Variants in DAAM1 observed in about 807,000 individuals in gnomAD.
DAAM1 encodes dishevelled associated activator of morphogenesis 1.
A neutral mutation model predicts 130.0 loss-of-function variants in DAAM1; 52 were observed. The ratio of observed to expected loss-of-function variants is 0.40; its 90% CI spans 0.32 to 0.50. The LOEUF (loss-of-function observed/expected upper bound fraction) is 0.50. DAAM1 is among the 20% of genes least tolerant of loss of function. DAAM1 has a pLI of 0.61. For missense variants in DAAM1, 1,134 were observed against 1,303.8 expected, an observed-to-expected ratio of 0.87 and a Z score of 2.01; for synonymous variants, 452 against 444.5, an observed-to-expected ratio of 1.02 and a Z score of -0.21.
chr14:59,339,646 A>G (rs1269048383), intron 15 of DAAM1, among the ~76,000 whole-genome samples: 3 of 152,128 alleles, frequency 2.0e-5, no homozygotes, highest in African/African-American at 7.2e-5. Context: ...AGTGCTCACA[A>G]TGCAGATGGT....
intron 1 of DAAM1, among the ~76,000 whole-genome samples, chr14:59,196,571 A>G (rs1010013069): frequency 1.3e-5 from 2 of 152,056 alleles, no homozygotes; most frequent in Admixed American, 6.5e-5. Context: ...GTGAAACCCC[A>G]TCTCTACTAA....
intron 1 of DAAM1, among the ~76,000 whole-genome samples, chr14:59,215,103 A>G (rs1248434043): frequency 6.6e-6 from 1 of 152,220 alleles, no homozygotes; most frequent in East Asian, 1.9e-4. Flanking sequence ...AATGAAACAG[A>G]TGAAAGTGAA....
At chr14:59,337,516 G>A (rs1159777864) in intron 15 of DAAM1, among the ~76,000 whole-genome samples, 2 of 152,212 alleles carry the variant, frequency 1.3e-5, no homozygotes, top group African/African-American at 2.4e-5. Flanking sequence ...CTGTTGGCCC[G>A]AAAACTGGGG....
intron 5 of DAAM1, among the ~76,000 whole-genome samples, chr14:59,322,244 A>C (rs1207374943): frequency 6.6e-6 from 1 of 152,184 alleles, no homozygotes; most frequent in Non-Finnish European, 1.5e-5. Flanking sequence ...TGGGCCAGAC[A>C]TGGTCACTCA....
At chr14:59,193,834 C>T (rs77618329) in intron 1 of DAAM1, among the ~76,000 whole-genome samples, 12,858 of 152,238 alleles carry the variant, frequency 0.084, 751 homozygotes, top group Non-Finnish European at 0.13. Flanking sequence ...ACAGCTTCCA[C>T]GAAGCCTTCC....
intron 3 of DAAM1, among the ~76,000 whole-genome samples, chr14:59,309,174 C>A (rs1162998210): frequency 1.3e-5 from 2 of 152,180 alleles, no homozygotes; most frequent in Admixed American, 1.3e-4. Context: ...TCTCCTACTA[C>A]TTTTTTGCCC....
intron 4 of DAAM1, among the ~76,000 whole-genome samples, chr14:59,317,495 G>T (rs956549387): frequency 2.0e-5 from 3 of 152,148 alleles, no homozygotes; most frequent in African/African-American, 2.4e-5. Flanking sequence ...CAGTGGAAAG[G>T]CACACAAGTT....
intron 15 of DAAM1, among the ~76,000 whole-genome samples, chr14:59,335,871 G>T (rs901302358): frequency 2.6e-5 from 4 of 151,972 alleles, no homozygotes; most frequent in African/African-American, 9.7e-5. Context: ...AATTATCAAA[G>T]AATTTTCCTT....
At chr14:59,244,656 C>A (rs1401792048) in intron 1 of DAAM1, among the ~76,000 whole-genome samples, 2 of 152,118 alleles carry the variant, frequency 1.3e-5, no homozygotes, top group Non-Finnish European at 2.9e-5. Flanking sequence ...GGGAGAGATT[C>A]TTAACTGCCT....
At chr14:59,248,541 C>G (rs930100820) in intron 1 of DAAM1, among the ~76,000 whole-genome samples, 42 of 152,242 alleles carry the variant, frequency 2.8e-4, no homozygotes, top group African/African-American at 9.9e-4. Flanking sequence ...CTCTTTCTTG[C>G]CGCCGCTGGT....
At chr14:59,363,957 G>GTATTTTCATTTCCAAGACTGTGAT (rs1886814895) in intron 23 of DAAM1, among the ~76,000 whole-genome samples, 175 bp downstream of exon 23, 2 of 152,206 alleles carry the variant, frequency 1.3e-5, no homozygotes, top group South Asian at 4.1e-4. Flanking sequence ...TGACATAGGT[G>GTATTTTCATTTCCAAGACTGTGAT]TATTTTCATT....
At chr14:59,367,854 A>G (rs764172378) in intron 24 of DAAM1, among the ~76,000 whole-genome samples, 3 of 152,224 alleles carry the variant, frequency 2.0e-5, no homozygotes, top group Non-Finnish European at 4.4e-5. Context: ...TAAAGAAATA[A>G]TCATAAATTT....
intron 2 of DAAM1, among the ~76,000 whole-genome samples, chr14:59,277,411 C>T (rs912759028): frequency 2.0e-5 from 3 of 151,968 alleles, no homozygotes; most frequent in South Asian, 2.1e-4. Flanking sequence ...CACTTTGTTA[C>T]GGATGAAGCC....
At chr14:59,240,306 G>C (rs1889437810) in intron 1 of DAAM1, among the ~76,000 whole-genome samples, 1 of 152,150 alleles carries the variant, frequency 6.6e-6, no homozygotes. Context: ...CAAATTAGCT[G>C]AAATGATGCT....
chr14:59,318,984 C>G (rs1164966498), intron 4 of DAAM1, among the ~76,000 whole-genome samples: 3 of 152,194 alleles, frequency 2.0e-5, no homozygotes, highest in Non-Finnish European at 4.4e-5. Context: ...AGCTTAGGAA[C>G]AAGGAATGAT....
At position 59,367,615 on chromosome 14, in the gene DAAM1, AT is replaced by A; in HGVS notation, c.2997+18del. ...GGAAGCTCAGGTGAGAGGATGATTA[AT>A]TGACCAATTCCACCTCCTAGAAGTT... On this transcript the variant is annotated intron_variant, in intron 24 of 24. Transcript: ENST00000360909. 6.2e-7 allele frequency: 1 copy of A among 1,608,524 alleles called. No homozygotes were observed. Among genetic ancestry groups the A allele is most frequent in the Non-Finnish European group, 8.5e-7 (1 of 1,176,970 alleles).
chr14:59,189,179 C>A (rs1038871951), intron 1 of DAAM1, among the ~76,000 whole-genome samples: 1 of 152,072 alleles, frequency 6.6e-6, no homozygotes, highest in Non-Finnish European at 1.5e-5. Flanking sequence ...TCCGCGAGCT[C>A]CCGGCCCGGC....
Position 59,368,650 on chromosome 14 carries a change from C to G in DAAM1, c.2998C>G (p.Leu1000Val), listed in dbSNP as rs1887019018. The G allele has an allele frequency of 3.7e-6, 6 of 1,611,250 alleles. No homozygotes were observed. Among genetic ancestry groups the G allele is most frequent in the Non-Finnish European group, 3.4e-6 (4 of 1,178,684 alleles). The change falls in exon 25 of 25, where the codon CTC becomes GTC. Residue 1000 changes from leucine to valine, a missense_variant and splice_region_variant. By Grantham distance (32) the Leu-to-Val change is conservative (BLOSUM62 1). This residue lies in a region of DAAM1 where 644 missense variants were observed against 695.9 expected (regional missense o/e 0.93). Coordinates refer to ENST00000360909, the MANE Select transcript of DAAM1 (RefSeq NM_001270520.2). ...AGAGGTTATTTCTTTCTATTTGCAG[C>G]TCAAAGAACAACGTGAAAGGGAACG... ...EERRARMEAQLKEQRERERKM... is the reference protein window; with the variant it reads ...EERRARMEAQVKEQRERERKM...
chr14:59,235,764 G>A (rs981665010), intron 1 of DAAM1, among the ~76,000 whole-genome samples: 2 of 152,086 alleles, frequency 1.3e-5, no homozygotes, highest in Admixed American at 6.6e-5. Context: ...CTAGCTTTCT[G>A]ATGTGGGCAT....
Sources: gnomAD v4.1 joint callset for allele counts (sites outside exome capture counted in the v4.1 genomes callset) on GRCh38, gnomAD v4.1.1 for gene constraint, gnomAD v4.1.1 regional missense constraint, MANE v1.5 for transcripts, NCBI Gene and HGNC (gene_info 2026-07-23, HGNC 2026-07-21) for gene names.